INPP4B: variants seen among roughly 807,000 people sequenced by gnomAD.
The protein encoded by INPP4B is inositol polyphosphate-4-phosphatase type II B, also known as inositol polyphosphate 4-phosphatase type II.
Under a neutral mutation model 122.5 loss-of-function variants are expected in INPP4B, and 55 were observed. The ratio of observed to expected loss-of-function variants is 0.45; its 90% confidence interval spans 0.36 to 0.56. The LOEUF (loss-of-function observed/expected upper bound fraction) is 0.56, where lower values mean the gene tolerates loss of function less well. Among genes scored for constraint, INPP4B ranks in the 20% least tolerant of loss-of-function variants. The pLI, the probability that INPP4B is intolerant of heterozygous loss-of-function variation, is 0.00. For synonymous variants in INPP4B, 403 were observed against 388.7 expected (o/e 1.04, Z -0.43); for missense variants, 1,000 against 1,097.7 (o/e 0.91, Z 1.26).
chr4:142,082,942 C>T (rs1045534811), intron 24 of INPP4B, among the ~76,000 whole-genome samples: 3 of 152,078 alleles, frequency 2.0e-5, no homozygotes, highest in Non-Finnish European at 2.9e-5. Flanking sequence ...GCCTGGGAAA[C>T]ATAACAAAGC....
At chr4:142,727,960 C>T (rs1175897414) in intron 1 of INPP4B, among the ~76,000 whole-genome samples, 2 of 152,154 alleles carry the variant, frequency 1.3e-5, no homozygotes, top group South Asian at 2.1e-4. Context: ...GAAAATTTCA[C>T]AAAAGAGAAC....
chr4:142,373,512 C>T (rs1790682480), intron 7 of INPP4B, among the ~76,000 whole-genome samples: 1 of 151,976 alleles, frequency 6.6e-6, no homozygotes, highest in Admixed American at 6.6e-5. Context: ...TGGTTCAAAT[C>T]CAGTTCTACT....
Position 142,174,894 on chromosome 4 carries a change from G to C in INPP4B, c.1182-1085C>G, listed in dbSNP as rs545003956. On this transcript the variant is annotated intron_variant, in intron 15 of 25. Coordinates refer to ENST00000262992, the MANE Select transcript of INPP4B (RefSeq NM_001101669.3). ...CATCCTCCCCTCTTAGCCTCCCAAA[G>C]TGCTGGGATTACAGGCTTGAGGATT... 2.0e-5 allele frequency among the ~76,000 whole-genome samples: 3 copies of C among 152,184 alleles called. No homozygotes were observed. In the East Asian group the frequency reaches 5.8e-4, roughly 29 times the overall value.
chr4:142,301,222 G>A (rs567160819), intron 9 of INPP4B, among the ~76,000 whole-genome samples: 3 of 152,192 alleles, frequency 2.0e-5, no homozygotes, highest in Non-Finnish European at 4.4e-5. Flanking sequence ...ATTACATTTA[G>A]CATCCATAAA....
At position 142,720,809 on chromosome 4, in the gene INPP4B, C is replaced by CTATATATATATATA. The variant is rs70949184; in HGVS notation, c.-191+5016_-191+5029dup. Among the ~76,000 whole-genome samples the CTATATATATATATA allele has an allele frequency of 4.2e-3, 54 of 12,866 alleles. 1 individual carries two copies. The highest frequency in any genetic ancestry group is 0.019 in the South Asian group (3 of 162). 8.4% of individuals were successfully genotyped at this position (12,866 alleles called of 152,430 possible). A position where few individuals can be genotyped will look rare whatever the true frequency, so the allele number is the denominator to read the frequency against. ...TCTCTCTCTCTCTCTCTCTCTCTCT[C>CTATATATATATATA]TATATATATATATATATATAGTTTT... On this transcript the variant is annotated intron_variant, in intron 2 of 25. Transcript: ENST00000262992.
chr4:142,089,820 G>C (rs1274480316), intron 23 of INPP4B, among the ~76,000 whole-genome samples: 1 of 151,978 alleles, frequency 6.6e-6, no homozygotes, highest in Non-Finnish European at 1.5e-5. Flanking sequence ...CATTTCCTAG[G>C]ATCAACATAA....
intron 7 of INPP4B, among the ~76,000 whole-genome samples, chr4:142,390,222 A>T (rs2148977400): frequency 6.6e-6 from 1 of 152,310 alleles, no homozygotes; most frequent in Non-Finnish European, 1.5e-5. Flanking sequence ...GCAAGGGTGA[A>T]ATTTGGCTTT....
intron 3 of INPP4B, among the ~76,000 whole-genome samples, chr4:142,437,558 C>T (rs1435723070): frequency 6.6e-6 from 1 of 152,094 alleles, no homozygotes; most frequent in East Asian, 1.9e-4. Flanking sequence ...AACAGCAGAT[C>T]TCTTAGAAGA....
intron 15 of INPP4B, among the ~76,000 whole-genome samples, chr4:142,175,699 G>A (rs1258336101): frequency 6.6e-6 from 1 of 152,116 alleles, no homozygotes; most frequent in East Asian, 1.9e-4. Context: ...GGCTTCTTGA[G>A]TGGTTGAGAC....
At chr4:142,049,913 C>T (rs907913704) in intron 25 of INPP4B, among the ~76,000 whole-genome samples, 1 of 151,804 alleles carries the variant, frequency 6.6e-6, no homozygotes, top group Non-Finnish European at 1.5e-5. Context: ...TTGTAAGATA[C>T]ATTAAAATAC....
At chr4:142,105,302 G>A (rs1786459570) in intron 23 of INPP4B, among the ~76,000 whole-genome samples, 1 of 152,182 alleles carries the variant, frequency 6.6e-6, no homozygotes, top group Non-Finnish European at 1.5e-5. Context: ...GAAAGGGCAT[G>A]TTGATTGGCA....
At chr4:142,083,359 A>G (rs1283806565) in intron 24 of INPP4B, among the ~76,000 whole-genome samples, 1 of 152,170 alleles carries the variant, frequency 6.6e-6, no homozygotes, top group Non-Finnish European at 1.5e-5. Flanking sequence ...TTTAAGTCAG[A>G]GAAAAATCAC....
chr4:142,398,376 T>TAAAAAAAAAAAAAAA (rs1183246808), intron 7 of INPP4B, among the ~76,000 whole-genome samples: 1 of 8,870 alleles, frequency 1.1e-4, no homozygotes, highest in Non-Finnish European at 2.0e-4. Context: ...AGACTCTGTC[T>TAAAAAAAAAAAAAAA]AAAAAAAAAA....
chr4:142,585,437 A>T (rs930431700), intron 2 of INPP4B, among the ~76,000 whole-genome samples: 1 of 152,090 alleles, frequency 6.6e-6, no homozygotes, highest in Admixed American at 6.6e-5. Flanking sequence ...CTCTTGGCTT[A>T]ACACCTACAC....
intron 15 of INPP4B, among the ~76,000 whole-genome samples, chr4:142,177,493 G>A (rs147476677): frequency 7.2e-5 from 11 of 152,166 alleles, no homozygotes; most frequent in African/African-American, 2.4e-4. Flanking sequence ...TCAATCAGAT[G>A]ACTCTGGAAG....
intron 12 of INPP4B, among the ~76,000 whole-genome samples, chr4:142,223,719 A>T (rs74425731): frequency 0.015 from 2,348 of 152,282 alleles, 68 homozygotes; most frequent in African/African-American, 0.054. Context: ...TTACATGATG[A>T]ATACCATACC....
Position 142,763,086 on chromosome 4 carries a change from T to C in INPP4B, c.-253-37185A>G, listed in dbSNP as rs1344359009. On this transcript the variant is annotated intron_variant, in intron 1 of 25. Transcript: ENST00000262992. ...GAAATAAATTCCTTTTATTTACAAA[T>C]AACCCAGCATAAGGTATTCTGTTAT... Among the ~76,000 whole-genome samples, 6 of 152,190 alleles carry C rather than the reference T, an allele frequency of 3.9e-5. No homozygotes were observed. In the East Asian group the frequency reaches 9.6e-4, roughly 24 times the overall value.
chr4:142,681,015 C>T (rs1038025123), intron 2 of INPP4B, among the ~76,000 whole-genome samples: 1 of 151,874 alleles, frequency 6.6e-6, no homozygotes, highest in Non-Finnish European at 1.5e-5. Flanking sequence ...GAAACCCCTT[C>T]TCAGGAGCCA....
intron 21 of INPP4B, among the ~76,000 whole-genome samples, chr4:142,119,161 G>T (rs1257839976): frequency 6.6e-6 from 1 of 152,156 alleles, no homozygotes; most frequent in East Asian, 1.9e-4. Flanking sequence ...TGCTGGAGAG[G>T]ATGTGGGGAA....
Sources: gnomAD v4.1 joint callset for allele counts (sites outside exome capture counted in the v4.1 genomes callset) on GRCh38, gnomAD v4.1.1 for gene constraint, MANE v1.5 for transcripts, NCBI Gene and HGNC (gene_info 2026-07-23, HGNC 2026-07-21) for gene names.